Variants in TPO observed in about 807,000 individuals in gnomAD.
The protein encoded by TPO is thyroid microsomal antigen.
TPO carries 78 observed loss-of-function variants against 96.9 expected under a neutral mutation model. The ratio of observed to expected loss-of-function variants is 0.81; its 90% confidence interval spans 0.67 to 0.97. The LOEUF is 0.97. TPO is among the 50% of genes least tolerant of loss of function. The probability of loss-of-function intolerance (pLI) is 0.00; values close to 1 mark genes in which losing one functional copy is unlikely to be tolerated. For synonymous variants in TPO, 547 were observed against 538.0 expected, an observed-to-expected ratio of 1.02 and a Z score of -0.23; for missense variants, 1,252 against 1,274.8, an observed-to-expected ratio of 0.98 and a Z score of 0.27.
intron 5 of TPO, among the ~76,000 whole-genome samples, chr2:1,445,268 A>G (rs530822334): frequency 2.1e-4 from 28 of 131,686 alleles, no homozygotes; most frequent in African/African-American, 7.8e-4. Flanking sequence ...TGATCCAATC[A>G]CTGCTGCAGG....
chr2:1,478,373 C>G (rs1573355226), intron 8 of TPO: 1 of 985,328 alleles, frequency 1.0e-6, no homozygotes, highest in Non-Finnish European at 1.2e-6. Context: ...GCCTGGGCAT[C>G]GTGTCTGCAG....
intron 13 of TPO, among the ~76,000 whole-genome samples, chr2:1,498,093 A>G (rs10169429): frequency 0.046 from 6,953 of 152,066 alleles, 552 homozygotes; most frequent in African/African-American, 0.16. Flanking sequence ...TAAAAATGGC[A>G]GAGGTGGTAA....
At chr2:1,438,964 C>G (rs1665887676) in intron 5 of TPO, 1 of 677,226 alleles carries the variant, frequency 1.5e-6, no homozygotes, top group Non-Finnish European at 2.7e-6. Context: ...AAAGCCTGCC[C>G]CTGGGTCCTG....
At chr2:1,517,122 TTTGTACAACG>T (rs1674797251) in intron 15 of TPO, 140 bp downstream of exon 15, 1 of 859,878 alleles carries the variant, frequency 1.2e-6, no homozygotes. Flanking sequence ...TCAGAGCTAT[TTTGTACAACG>T]TAATAGACTC....
At chr2:1,421,301 C>G (rs1249736242) in intron 2 of TPO, among the ~76,000 whole-genome samples, 1 of 152,218 alleles carries the variant, frequency 6.6e-6, no homozygotes, top group Non-Finnish European at 1.5e-5. Context: ...AGCCCAGAGC[C>G]GTGCAAACTT....
At chr2:1,382,848 G>A (rs1173582667) in intron 1 of TPO, among the ~76,000 whole-genome samples, 1 of 151,486 alleles carries the variant, frequency 6.6e-6, no homozygotes, top group African/African-American at 2.4e-5. Context: ...TTTACATTAG[G>A]TATATCTCCT....
chr2:1,488,788 T>C (rs1044153276), intron 10 of TPO, among the ~76,000 whole-genome samples: 32 of 152,140 alleles, frequency 2.1e-4, no homozygotes, highest in African/African-American at 7.7e-4. Flanking sequence ...CCCTGGGCCT[T>C]CCTCTGTCCC....
chr2:1,421,967 T>C (rs931476780), intron 2 of TPO, among the ~76,000 whole-genome samples: 3 of 152,300 alleles, frequency 2.0e-5, no homozygotes, highest in Non-Finnish European at 4.4e-5. Flanking sequence ...CGGCGAGCTG[T>C]GAGCCCGTGC....
chr2:1,458,127 C>T (rs961937134), intron 7 of TPO, among the ~76,000 whole-genome samples: 3 of 150,328 alleles, frequency 2.0e-5, no homozygotes, highest in Non-Finnish European at 4.4e-5. Context: ...TGTGCAGGCA[C>T]GTGTGTATAT....
intron 1 of TPO, among the ~76,000 whole-genome samples, chr2:1,400,627 A>AG (rs1662153467): frequency 6.6e-6 from 1 of 151,776 alleles, no homozygotes; most frequent in Non-Finnish European, 1.5e-5. Flanking sequence ...GTCTCAAAAA[A>AG]AAAAAAAACA....
At position 1,537,832 on chromosome 2, in the gene TPO, CCTCAAATCCCCCCACTGTGTGCAAT is replaced by C. The variant is rs949814138; in HGVS notation, c.2619-2748_2619-2724del. Among the ~76,000 whole-genome samples, 359 of 87,598 alleles carry C rather than the reference CCTCAAATCCCCCCACTGTGTGCAAT, an allele frequency of 4.1e-3. 2 individuals carry two copies. Among genetic ancestry groups the C allele is most frequent in the African/African-American group, 0.014 (335 of 23,524 alleles). The allele number at this position is 87,598 out of a possible 152,430, so 57.5% of individuals were successfully genotyped here. A position where few individuals can be genotyped will look rare whatever the true frequency, so the allele number is the denominator to read the frequency against. ...CAAATCCCCCCACTGTGAGCAACCT[CCTCAAATCCCCCCACTGTGTGCAAT>C]CTCAAATCCCCCCCACTGTGTGCAA... is the stretch of plus-strand genomic sequence containing the variant. On this transcript the variant is annotated intron_variant, in intron 15 of 16. Transcript: ENST00000329066.
chr2:1,441,947 G>C (rs1666235527), intron 5 of TPO, among the ~76,000 whole-genome samples: 1 of 152,204 alleles, frequency 6.6e-6, no homozygotes, highest in Non-Finnish European at 1.5e-5. Context: ...GGAGGGACCA[G>C]GTGGGAGGTA....
At chr2:1,394,900 C>T (rs1282667772) in intron 1 of TPO, among the ~76,000 whole-genome samples, 1 of 152,134 alleles carries the variant, frequency 6.6e-6, no homozygotes, top group Non-Finnish European at 1.5e-5. Flanking sequence ...GGATGTGCCC[C>T]CACGTGATTC....
chr2:1,526,130 T>G (rs1573556799), intron 15 of TPO, among the ~76,000 whole-genome samples: 1 of 28,520 alleles, frequency 3.5e-5, no homozygotes, highest in African/African-American at 1.5e-4. Context: ...CTGTGCAACC[T>G]CCCCCATCCC....
chr2:1,383,707 G>A (rs998476057), intron 1 of TPO, among the ~76,000 whole-genome samples: 3 of 152,142 alleles, frequency 2.0e-5, no homozygotes, highest in East Asian at 1.9e-4. Flanking sequence ...CTTTTGCTGT[G>A]CAGAAGCTCT....
intron 9 of TPO, among the ~76,000 whole-genome samples, chr2:1,485,608 T>C (rs1189612785): frequency 6.6e-6 from 1 of 151,726 alleles, no homozygotes; most frequent in Admixed American, 6.5e-5. Context: ...CTAACTGGTG[T>C]GAGATGGTAT....
At chr2:1,467,330 C>G (rs539635896) in intron 7 of TPO, among the ~76,000 whole-genome samples, 52 of 152,228 alleles carry the variant, frequency 3.4e-4, no homozygotes, top group African/African-American at 1.2e-3. Flanking sequence ...GTCTTGAATT[C>G]CTGGTCTCAG....
At chr2:1,425,089 T>A (rs1664201489) in intron 3 of TPO, among the ~76,000 whole-genome samples, 1 of 151,562 alleles carries the variant, frequency 6.6e-6, no homozygotes, top group Non-Finnish European at 1.5e-5. Flanking sequence ...TTTGATTATT[T>A]CATATCCTCA....
chr2:1,493,870 A>G lies in TPO; in HGVS notation c.1837A>G (p.Ile613Val). 1.2e-6 allele frequency: 2 copies of G among 1,614,172 alleles called. No homozygotes were observed. The highest frequency in any genetic ancestry group is 1.7e-6 in the Non-Finnish European group (2 of 1,180,036). Residue 613 changes from isoleucine to valine, a missense_variant, in exon 11 of 17, where the codon ATC becomes GTC. Transcript: ENST00000329066. Reference sequence around the variant, plus strand: ...GACCCCCGCTGACCTGAGCACAGCCATCGCCAGCAGGAGCGTGGCCGACAA... The same window carrying G: ...GACCCCCGCTGACCTGAGCACAGCCGTCGCCAGCAGGAGCGTGGCCGACAA... ...LETPADLSTA[I>V]ASRSVADKIL...
Sources: gnomAD v4.1 joint callset for allele counts (sites outside exome capture counted in the v4.1 genomes callset) on GRCh38, gnomAD v4.1.1 for gene constraint, MANE v1.5 for transcripts, NCBI Gene and HGNC (gene_info 2026-07-23, HGNC 2026-07-21) for gene names.